Variants in RNF17 observed in about 807,000 individuals in gnomAD.
The protein encoded by RNF17 is ring finger protein 17, also known as spermatogenesis associated 23.
Under a neutral mutation model 200.5 loss-of-function variants are expected in RNF17, and 31 were observed. That is an observed-to-expected ratio of 0.15 (90% CI 0.12 to 0.21). RNF17 has a LOEUF of 0.21. Ranked by LOEUF, RNF17 falls within the 10% of genes least tolerant of loss-of-function variation. RNF17 has a pLI of 1.00. For missense variants in RNF17, 1,628 were observed against 1,905.1 expected (o/e 0.85, Z 2.71); for synonymous variants, 606 against 637.8 (o/e 0.95, Z 0.75).
chr13:24,812,676 C>CG (rs1886843176), intron 15 of RNF17, among the ~76,000 whole-genome samples: 1 of 36,632 alleles, frequency 2.7e-5, no homozygotes, highest in Admixed American at 2.6e-4. Flanking sequence ...CCCTCCCCGC[C>CG]CCACCCCCTT....
chr13:24,879,309 C>G lies in RNF17; in HGVS notation c.*10+14C>G. 6.8e-7 allele frequency: 1 copy of G among 1,472,072 alleles called. No individual in the cohort carries two copies. Among genetic ancestry groups the G allele is most frequent in the Non-Finnish European group, 9.5e-7 (1 of 1,051,084 alleles). 91.2% of individuals were successfully genotyped at this position (1,472,072 alleles called of 1,614,324 possible). The stretch of plus-strand genomic sequence containing the variant: ...AAGTGCCTAAGTGTAAGTTCTCATT[C>G]TCTTCATAGCATAAGGCATGGGACT... On this transcript the variant is annotated intron_variant, in intron 35 of 35. Coordinates refer to ENST00000255324, the MANE Select transcript of RNF17 (RefSeq NM_031277.3).
At position 24,764,293 on chromosome 13, in the gene RNF17, C is replaced by G; in HGVS notation, c.90C>G (p.Ile30Met). 6.8e-6 allele frequency: 11 copies of G among 1,611,590 alleles called. No homozygotes were observed. The highest frequency in any genetic ancestry group is 9.3e-6 in the Non-Finnish European group (11 of 1,178,262). The change falls in exon 1 of 36, where the codon ATC becomes ATG. Residue 30 changes from isoleucine (I) to methionine (M), a missense_variant. Ile to Met is a conservative substitution (Grantham distance 10). Around this residue, in one of 5 missense-constraint regions of RNF17, gnomAD observed 502 missense variants for 501.7 expected, o/e 1.00. Transcript: ENST00000255324. ...GTCAGCCCTGGGGTGCCGCTGAAAT[C>G]CAGTGCACCAGGTGTGGAAGGAGGG... ...RKSQPWGAAEIQCTRCGRRVS... is the reference protein window; with the variant it reads ...RKSQPWGAAEMQCTRCGRRVS...
intron 15 of RNF17, among the ~76,000 whole-genome samples, chr13:24,817,974 A>G (rs1422142551): frequency 1.3e-5 from 2 of 151,808 alleles, no homozygotes; most frequent in Non-Finnish European, 2.9e-5. Flanking sequence ...CTGTTGTCTT[A>G]TGGTATATAG....
chr13:24,882,635 T>C (rs1953893298), downstream of RNF17: 1 of 155,300 alleles, frequency 6.4e-6, no homozygotes, highest in Admixed American at 6.4e-5. Flanking sequence ...CCATGATTAC[T>C]ACCTGTTGTG....
chr13:24,832,111 T>G (rs1179391814), intron 18 of RNF17, 133 bp downstream of exon 18: 3 of 612,012 alleles, frequency 4.9e-6, no homozygotes. Flanking sequence ...TGTTGAGAAT[T>G]AGGTACAATG....
downstream of RNF17, among the ~76,000 whole-genome samples, chr13:24,880,365 A>G (rs566116104): frequency 6.6e-6 from 1 of 152,350 alleles, no homozygotes; most frequent in South Asian, 2.1e-4. Context: ...TCCCTCCTCC[A>G]ACACATTGGG....
chr13:24,815,488 A>G (rs1466931754), intron 15 of RNF17, among the ~76,000 whole-genome samples: 1 of 136,220 alleles, frequency 7.3e-6, no homozygotes, highest in East Asian at 2.1e-4. Flanking sequence ...ATTTGGGGGG[A>G]TTTTCTTACA....
chr13:24,803,158 G>A (rs1033242888), intron 14 of RNF17, among the ~76,000 whole-genome samples: 4 of 152,088 alleles, frequency 2.6e-5, no homozygotes, highest in Admixed American at 2.6e-4. Flanking sequence ...ATTAGCAGCT[G>A]TATGAGGATT....
chr13:24,754,206 A>G, the RNF17 span, among the ~76,000 whole-genome samples: 5 of 152,050 alleles, frequency 3.3e-5, no homozygotes, highest in African/African-American at 1.2e-4. Context: ...AAAAAAGGAA[A>G]AAGAAATTAT....
chr13:24,782,631 G>A (rs908798804), intron 6 of RNF17, among the ~76,000 whole-genome samples: 3 of 151,636 alleles, frequency 2.0e-5, no homozygotes, highest in Admixed American at 6.6e-5. Flanking sequence ...GAGCTCAGGA[G>A]TTTGAGACCA....
intron 30 of RNF17, among the ~76,000 whole-genome samples, 176 bp from the exon 31 acceptor site, chr13:24,868,424 C>T (rs1009821067): frequency 1.6e-5 from 2 of 128,904 alleles, no homozygotes; most frequent in Non-Finnish European, 3.2e-5. Flanking sequence ...GAGCCGAGAT[C>T]CCGCCACTGC....
chr13:24,803,155 G>C (rs1355869786), intron 14 of RNF17, among the ~76,000 whole-genome samples: 1 of 152,044 alleles, frequency 6.6e-6, no homozygotes, highest in Non-Finnish European at 1.5e-5. Context: ...ACTATTAGCA[G>C]CTGTATGAGG....
At chr13:24,749,508 T>C in the RNF17 span, among the ~76,000 whole-genome samples, 1 of 152,110 alleles carries the variant, frequency 6.6e-6, no homozygotes, top group African/African-American at 2.4e-5. Flanking sequence ...CTTAAGATTT[T>C]AGAATCAATT....
At chr13:24,877,322 G>T in intron 34 of RNF17, 136 bp downstream of exon 34, 1 of 645,382 alleles carries the variant, frequency 1.5e-6, no homozygotes, top group South Asian at 2.2e-5. Flanking sequence ...TAGTTTATAT[G>T]TATAGCTTTA....
chr13:24,861,800 T>A (rs1893127351), intron 27 of RNF17, among the ~76,000 whole-genome samples: 1 of 152,150 alleles, frequency 6.6e-6, no homozygotes, highest in Non-Finnish European at 1.5e-5. Context: ...GTTCAGGGAT[T>A]AGGAGTGGCT....
chr13:24,789,417 C>T lies in RNF17; in HGVS notation c.853C>T (p.Pro285Ser). Residue 285 changes from proline to serine, a missense_variant, in exon 8 of 36, where the codon CCT becomes TCT. Transcript: ENST00000255324. ...AQVSSPQLRNPPRLSVNCSEI... is the reference protein window; with the variant it reads ...AQVSSPQLRNSPRLSVNCSEI... ...AGTTAGTTCTCCACAACTAAGGAAC[C>T]CTCCCAGGTAAGTAAGTCATAGTTC... 3.1e-6 allele frequency: 5 copies of T among 1,592,830 alleles called. No individual in the cohort carries two copies. Among genetic ancestry groups the T allele is most frequent in the Non-Finnish European group, 4.3e-6 (5 of 1,163,046 alleles).
chr13:24,854,438 C>T (rs953210834), intron 25 of RNF17, among the ~76,000 whole-genome samples: 33 of 151,536 alleles, frequency 2.2e-4, no homozygotes, highest in African/African-American at 7.5e-4. Context: ...AGATGAACAA[C>T]CCTCCCAAAT....
At chr13:24,823,202 T>C (rs1888267719) in intron 15 of RNF17, among the ~76,000 whole-genome samples, 1 of 152,112 alleles carries the variant, frequency 6.6e-6, no homozygotes, top group East Asian at 1.9e-4. Flanking sequence ...GCCTCCTGAA[T>C]AGCTGGGATT....
rs779310910 is a variant in RNF17 at position 24,830,577 on chromosome 13, A to C, written c.2339A>C (p.Glu780Ala). The C allele has an allele frequency of 6.2e-7, 1 of 1,609,242 alleles. No homozygotes were observed. Among genetic ancestry groups the C allele is most frequent in the South Asian group, 1.1e-5 (1 of 90,452 alleles). The part of the protein sequence containing the change: ...TIKDVRKIKD[E>A]FLNAPEKAIK... ...AAAGACGTGCGTAAAATAAAGGATG[A>C]GTTTCTGAATGCCCCAGAGAAGGTA... is the stretch of plus-strand genomic sequence containing the variant. The change falls in exon 17 of 36, where the codon GAG becomes GCG. Residue 780 changes from glutamate (E) to alanine (A), a missense_variant. Physicochemically the swap from Glu to Ala is moderately radical, Grantham distance 107. Transcript: ENST00000255324.
Sources: allele counts gnomAD v4.1 joint callset (sites outside exome capture counted in the v4.1 genomes callset), GRCh38; gene constraint gnomAD v4.1.1; regional missense constraint gnomAD v4.1.1; transcripts MANE v1.5; gene names NCBI Gene and HGNC (gene_info 2026-07-23, HGNC 2026-07-21).